Variants in APOL3 observed in about 807,000 individuals in gnomAD.
APOL3 encodes the protein TNF-inducible protein CG12-1.
APOL3 carries 14 observed loss-of-function variants against 11.6 expected under a neutral mutation model. That is an observed-to-expected ratio of 1.21 (90% CI 0.80 to 1.89). APOL3 has a LOEUF of 1.89. Among genes scored for constraint, APOL3 ranks in the 40% most tolerant of loss-of-function variants. APOL3 has a pLI of 0.00. For synonymous variants in APOL3, 192 were observed against 190.6 expected (o/e 1.01, Z -0.06); for missense variants, 483 against 492.1 (o/e 0.98, Z 0.17).
chr22:36,144,421 G>A (rs925063202), intron 2 of APOL3, among the ~76,000 whole-genome samples: 8 of 152,030 alleles, frequency 5.3e-5, no homozygotes, highest in East Asian at 1.9e-4. Context: ...TTAACCACAC[G>A]CCCATCTGAT....
chr22:36,143,399 G>A lies in APOL3; in HGVS notation c.351-1341C>T, dbSNP rs573384477. The stretch of plus-strand genomic sequence containing the variant: ...GCAATAACAGTTATCAGTGAGTTAC[G>A]TAAGTCTTTGTAGTGAATTATCAAA... On this transcript the variant is annotated intron_variant, in intron 2 of 2. Coordinates refer to ENST00000349314, the Ensembl canonical transcript of APOL3. Among the ~76,000 whole-genome samples, 139 of 152,334 alleles carry A rather than the reference G, an allele frequency of 9.1e-4. 1 individual carries two copies. The highest frequency in any genetic ancestry group is 3.3e-3 in the African/African-American group (136 of 41,576).
exon 3 of APOL3, chr22:36,141,909 A>G (rs2060012035): frequency 3.7e-6 from 6 of 1,614,188 alleles, no homozygotes; most frequent in Non-Finnish European, 5.1e-6. Flanking sequence ...AAGCTTTTCT[A>G]TGGACTCCTG....
chr22:36,157,132 G>A, intron 1 of APOL3: 1 of 411,118 alleles, frequency 2.4e-6, no homozygotes, highest in Admixed American at 2.9e-5. Flanking sequence ...TTTGTACGAG[G>A]AGAAAGAAAA....
intron 2 of APOL3, among the ~76,000 whole-genome samples, chr22:36,144,992 C>T (rs1242588182): frequency 1.2e-5 from 1 of 83,842 alleles, no homozygotes; most frequent in African/African-American, 4.5e-5. Flanking sequence ...GCCTGGGGGA[C>T]AAGCAAGACT....
intron 1 of APOL3, among the ~76,000 whole-genome samples, chr22:36,145,972 G>GTCTCCCTGTCTC (rs1268544981): frequency 2.5e-5 from 2 of 79,240 alleles, no homozygotes; most frequent in African/African-American, 7.5e-5. Flanking sequence ...CTCTCTCCCT[G>GTCTCCCTGTCTC]TCTCTCTTTC....
upstream of APOL3, among the ~76,000 whole-genome samples, chr22:36,163,659 A>T (rs959969117): frequency 6.6e-6 from 1 of 152,218 alleles, no homozygotes; most frequent in Admixed American, 6.5e-5. Flanking sequence ...AGACACACAG[A>T]CTGCCCCAGG....
In APOL3 at chr22:36,160,762, A is replaced by G. The variant is rs1379611729; in HGVS notation, c.130T>C (p.Ser44Pro). 6.2e-7 allele frequency: 1 copy of G among 1,614,104 alleles called. No homozygotes were observed. Reference sequence around the variant, plus strand: ...AGCCGTGCATCTGCATAATAACCAGACACGTTCTCCAGGCTCTGAGATATA... The same window carrying G: ...AGCCGTGCATCTGCATAATAACCAGGCACGTTCTCCAGGCTCTGAGATATA... Residue 44 changes from serine to proline, a missense_variant, in exon 1 of 3, where the codon TCT becomes CCT. Physicochemically the swap from Ser to Pro is moderately conservative, Grantham distance 74. Coordinates refer to ENST00000349314, the Ensembl canonical transcript of APOL3.
At chr22:36,158,467 G>A (rs2146892467) in intron 1 of APOL3, among the ~76,000 whole-genome samples, 1 of 152,286 alleles carries the variant, frequency 6.6e-6, no homozygotes, top group East Asian at 1.9e-4. Context: ...CAAAAAGGGA[G>A]AAATCACTAA....
chr22:36,141,585 G>C, exon 3 of APOL3: 6 of 1,614,190 alleles, frequency 3.7e-6, no homozygotes, highest in Non-Finnish European at 4.2e-6. Context: ...AAGTAAGTTG[G>C]GTGTGATGTC....
chr22:36,163,512 C>A (rs1039299846), upstream of APOL3, among the ~76,000 whole-genome samples: 25 of 152,176 alleles, frequency 1.6e-4, 1 homozygote, highest in Non-Finnish European at 5.9e-5. Context: ...AACAGAGCTT[C>A]ATTTCTTTTC....
rs553473566 is a variant in APOL3 at position 36,141,265 on chromosome 22, G to C, written c.1144C>G (p.Leu382Val). 8 of 1,614,088 alleles carry C rather than the reference G, an allele frequency of 5.0e-6. No individual in the cohort carries two copies. The African/African-American group carries it at 8.0e-5, about 16-fold the overall frequency. Reference sequence around the variant, plus strand: ...GTGAGCTCCATTAGATTCTCCTCCAGCTCCTGAGCCTGCCGCCTCAGCTCC... The same window carrying C: ...GTGAGCTCCATTAGATTCTCCTCCACCTCCTGAGCCTGCCGCCTCAGCTCC... Residue 382 changes from leucine to valine, a missense_variant, in exon 3 of 3, where the codon CTG becomes GTG. Transcript: ENST00000349314.
chr22:36,149,293 C>G (rs1335035970), intron 1 of APOL3, 151 bp from the exon 2 acceptor site: 4 of 1,305,728 alleles, frequency 3.1e-6, no homozygotes, highest in Non-Finnish European at 4.0e-6. Context: ...TGGGCCCCAG[C>G]CAGCTGGTAT....
At chr22:36,160,103 G>A (rs1454965869) in intron 1 of APOL3, among the ~76,000 whole-genome samples, 10 of 152,046 alleles carry the variant, frequency 6.6e-5, no homozygotes, top group African/African-American at 1.7e-4. Context: ...GGCAGGTCTC[G>A]AACTCCTAAC....
At chr22:36,148,747 A>G (rs187923315) in intron 1 of APOL3, among the ~76,000 whole-genome samples, 13 of 151,986 alleles carry the variant, frequency 8.6e-5, no homozygotes, top group African/African-American at 3.1e-4. Context: ...CTACTCCCCG[A>G]CCCTGCTGTT....
intron 1 of APOL3, among the ~76,000 whole-genome samples, chr22:36,157,525 A>G (rs749082237): frequency 3.9e-5 from 6 of 152,258 alleles, no homozygotes; most frequent in Non-Finnish European, 7.3e-5. Flanking sequence ...AATGTTAAAA[A>G]CAATGTTGAG....
exon 3 of APOL3, chr22:36,141,365 G>A (rs1459415008): frequency 9.3e-6 from 15 of 1,614,174 alleles, no homozygotes; most frequent in Non-Finnish European, 1.3e-5. Flanking sequence ...CCAGTGCAAG[G>A]AAGATGCCTG....
chr22:36,142,109 A>G, intron 2 of APOL3, 51 bp from the exon 4 acceptor site: 1 of 1,530,324 alleles, frequency 6.5e-7, no homozygotes, highest in East Asian at 2.3e-5. Flanking sequence ...CTTATCTGTA[A>G]AATCAGCTCA....
exon 3 of APOL3, chr22:36,141,471 C>T (rs773872410): frequency 5.6e-6 from 9 of 1,614,040 alleles, no homozygotes; most frequent in East Asian, 2.2e-5. Context: ...AGCTGAGATT[C>T]GCCAGGTGGT....
At chr22:36,153,275 A>G (rs550151601) in intron 1 of APOL3, 2 of 384,030 alleles carry the variant, frequency 5.2e-6, no homozygotes, top group East Asian at 1.5e-4. Flanking sequence ...AGTAGTTAGT[A>G]ACTGCTAACC....
Sources: gnomAD v4.1 joint callset for allele counts (sites outside exome capture counted in the v4.1 genomes callset) on GRCh38, gnomAD v4.1.1 for gene constraint, MANE v1.5 for transcripts, NCBI Gene and HGNC (gene_info 2026-07-23, HGNC 2026-07-21) for gene names.